The following EPHA10 variants were observed in gnomAD, a reference collection of about 807,000 sequenced individuals.
EPHA10 encodes the protein EPH receptor A10.
A neutral mutation model predicts 109.7 loss-of-function variants in EPHA10; 120 were observed. The observed-to-expected ratio is 1.09, with a 90% CI of 0.94 to 1.27. The LOEUF is 1.27. Ranked by LOEUF, EPHA10 falls within the 50% of genes most tolerant of loss-of-function variation. EPHA10 has a pLI of 0.00. For missense variants in EPHA10, 1,396 were observed against 1,411.1 expected (o/e 0.99, Z 0.17); for synonymous variants, 640 against 618.9 (o/e 1.03, Z -0.51).
chr1:37,721,186 G>A (rs562799123), intron 11 of EPHA10, among the ~76,000 whole-genome samples: 15 of 151,462 alleles, frequency 9.9e-5, no homozygotes, highest in African/African-American at 2.7e-4. Flanking sequence ...TTGGGAGGCC[G>A]AGGCAGGTGG....
chr1:37,760,203 T>G, intron 3 of EPHA10: 57 of 892,942 alleles, frequency 6.4e-5, no homozygotes, highest in Non-Finnish European at 7.6e-5. Context: ...ATCTAGACTG[T>G]GAGCTTCTTG....
chr1:37,733,252 C>T (rs1434068663), intron 6 of EPHA10, among the ~76,000 whole-genome samples: 1 of 151,760 alleles, frequency 6.6e-6, no homozygotes, highest in Non-Finnish European at 1.5e-5. Context: ...GACAGGGTCT[C>T]GCTCTGTTGC....
chr1:37,762,705 G>T, intron 2 of EPHA10, 80 bp downstream of exon 2: 1 of 1,313,090 alleles, frequency 7.6e-7, no homozygotes. Flanking sequence ...TTTGTCTGAT[G>T]TAAACATGAG....
rs779809100 is a variant in EPHA10, at chr1:37,721,662, C to T, written c.2144G>A (p.Arg715Gln). The T allele has an allele frequency of 8.0e-5, 128 of 1,602,364 alleles. No individual in the cohort carries two copies. The highest frequency in any genetic ancestry group is 1.6e-4 in the South Asian group (14 of 90,230). Residue 715 changes from arginine (R) to glutamine (Q), a missense_variant and splice_region_variant, in exon 11 of 17, where the codon CGA becomes CAA. Transcript: ENST00000373048. ...AGGAAGGGAGCACCGGGCCCTACCTCGGGTAACAACGCCCTCCAGCCGCAC... is the reference window on the plus strand; with the variant it reads ...AGGAAGGGAGCACCGGGCCCTACCTTGGGTAACAACGCCCTCCAGCCGCAC... ...HIVRLEGVVTRGSTLMIVTEY... is the reference protein window; with the variant it reads ...HIVRLEGVVTQGSTLMIVTEY...
rs755418681 is a variant in EPHA10 at position 37,720,388 on chromosome 1, C to T, written c.2375G>A (p.Gly792Asp). ...LVCKISGFGR[G>D]PRDRSEAVYT... ...GACAGCCTCTGATCGGTCCCGGGGG[C>T]CCCGCCCGAAGCCAGAGATCTTGCA... Residue 792 changes from glycine to aspartate, a missense_variant, in exon 13 of 17, where the codon GGC (glycine) becomes GAC (aspartate). Gly to Asp is a moderately conservative substitution (Grantham distance 94, BLOSUM62 -1). Coordinates refer to ENST00000373048, the MANE Select transcript of EPHA10 (RefSeq NM_001099439.2). 23 of 1,612,410 alleles carry T rather than the reference C, an allele frequency of 1.4e-5. No individual in the cohort carries two copies. The East Asian group carries it at 4.2e-4, about 30-fold the overall frequency.
Position 37,735,317 on chromosome 1 carries a change from G to C in EPHA10, c.1431C>G (p.Pro477=). 6.4e-7 allele frequency: 1 copy of C among 1,560,824 alleles called. No individual in the cohort carries two copies. The change falls in exon 6 of 17, where the codon CCC becomes CCG. Residue 477 remains proline, a synonymous_variant. Transcript: ENST00000373048. ...TGGCCCCAGGGGCTCCGGCAGGGAT[G>C]GGCTCCCGCCACGACAGGGACACGC... ...PQSVSLSWRE[P]IPAGAPGAND...
intron 3 of EPHA10, chr1:37,756,436 G>A (rs1032246014): frequency 1.3e-5 from 2 of 152,202 alleles, no homozygotes; most frequent in African/African-American, 4.8e-5. Context: ...GACCACAGTG[G>A]TATCTCTGCT....
rs1159268568 is a variant in EPHA10 at position 37,752,950 on chromosome 1, A to G, written c.1283T>C (p.Leu428Pro). ...GGCCGCCGGGCCCGAGACGCCGTTG[A>G]GCGCGGCCACGCGCACGGTGTAGCG... is the stretch of plus-strand genomic sequence containing the variant. The part of the protein sequence containing the change: ...GARYTVRVAA[L>P]NGVSGPAAAA... The change falls in exon 5 of 17, where the codon CTC (leucine) becomes CCC (proline). Residue 428 changes from leucine (L) to proline (P), a missense_variant. Coordinates refer to ENST00000373048, the MANE Select transcript of EPHA10 (RefSeq NM_001099439.2). The G allele has an allele frequency of 1.5e-6, 2 of 1,297,778 alleles. No homozygotes were observed. Among genetic ancestry groups the G allele is most frequent in the African/African-American group, 3.1e-5 (2 of 64,026 alleles). 80.4% of individuals were successfully genotyped at this position (1,297,778 alleles called of 1,614,324 possible). A position where few individuals can be genotyped will look rare whatever the true frequency, so the allele number is the denominator to read the frequency against.
chr1:37,729,745 C>T (rs1053186636), intron 7 of EPHA10, among the ~76,000 whole-genome samples: 7 of 151,850 alleles, frequency 4.6e-5, no homozygotes, highest in African/African-American at 1.2e-4. Flanking sequence ...TGGTGGCAAG[C>T]GCCTGTGGTC....
intron 5 of EPHA10, among the ~76,000 whole-genome samples, chr1:37,750,586 T>C (rs921131027): frequency 6.6e-6 from 1 of 152,102 alleles, no homozygotes; most frequent in African/African-American, 2.4e-5. Context: ...AAAACTTTTT[T>C]TTTTTTTTTA....
intron 7 of EPHA10, among the ~76,000 whole-genome samples, chr1:37,729,663 T>C (rs959526424): frequency 6.6e-6 from 1 of 152,104 alleles, no homozygotes; most frequent in Admixed American, 6.6e-5. Flanking sequence ...AGGGATCACC[T>C]GAGCCCAGGA....
chr1:37,738,163 T>C (rs1235127273), intron 5 of EPHA10: 1 of 151,832 alleles, frequency 6.6e-6, no homozygotes, highest in Non-Finnish European at 1.5e-5. Context: ...AGTCAAGAGA[T>C]TGAGACCAGC....
chr1:37,749,224 C>T (rs1427410652), intron 5 of EPHA10, among the ~76,000 whole-genome samples: 3 of 151,360 alleles, frequency 2.0e-5, no homozygotes, highest in Non-Finnish European at 2.9e-5. Flanking sequence ...TGCCCAGCCC[C>T]GTTTCAATGA....
chr1:37,731,267 C>G, intron 7 of EPHA10, 144 bp downstream of exon 7: 1 of 799,208 alleles, frequency 1.3e-6, no homozygotes, highest in South Asian at 3.2e-5. Flanking sequence ...ATTAATTAGG[C>G]TGTAATTAAT....
intron 6 of EPHA10, among the ~76,000 whole-genome samples, chr1:37,732,120 T>C (rs1449948748): frequency 6.6e-6 from 1 of 152,100 alleles, no homozygotes; most frequent in African/African-American, 2.4e-5. Flanking sequence ...TTCAGAGGGG[T>C]AAAGACTCCC....
chr1:37,762,834 G>C lies in EPHA10; in HGVS notation c.122C>G (p.Ser41Cys). The C allele has an allele frequency of 6.4e-7, 1 of 1,553,016 alleles. No individual in the cohort carries two copies. The highest frequency in any genetic ancestry group is 1.4e-5 in the African/African-American group (1 of 73,290). Residue 41 changes from serine (S) to cysteine (C), a missense_variant, in exon 2 of 17, where the codon TCC becomes TGC. Transcript: ENST00000373048. ...GTAEEVILLD[S>C]KASQAELGWT... ...GCCCAGCTCGGCCTGGGAGGCTTTG[G>C]AATCCAGGAGGATAACTAAGGAGAG...
chr1:37,718,331 G>T lies in EPHA10; in HGVS notation c.*41C>A. The T allele has an allele frequency of 6.6e-7, 1 of 1,509,770 alleles. No individual in the cohort carries two copies. Among genetic ancestry groups the T allele is most frequent in the Non-Finnish European group, 9.0e-7 (1 of 1,106,186 alleles). The allele number at this position is 1,509,770 out of a possible 1,614,324, so 93.5% of individuals were successfully genotyped here. Reference sequence around the variant, plus strand: ...GGTCCTTGGGCAGGGCTGGGGGACTGGACCCCCACCGGAGTCCTGCCTTGG... The same window carrying T: ...GGTCCTTGGGCAGGGCTGGGGGACTTGACCCCCACCGGAGTCCTGCCTTGG... On this transcript the variant is annotated 3_prime_UTR_variant, in exon 17 of 17. Coordinates refer to ENST00000373048, the MANE Select transcript of EPHA10 (RefSeq NM_001099439.2).
In EPHA10 at chr1:37,720,554, G is replaced by A. The variant is rs202036880; in HGVS notation, c.2209C>T (p.Arg737Trp). ...CCAGCCACCAGCTGCCCCTCGTGCC[G>A]CTGTGGAGGGAGAAGACTGAGGCCA... ...SHGALDGFLR[R>W]HEGQLVAGQL... The change falls in exon 13 of 17, where the codon CGG becomes TGG. Residue 737 changes from arginine (R) to tryptophan (W), a missense_variant and splice_region_variant. Arg to Trp is a moderately radical substitution (Grantham distance 101). Coordinates refer to ENST00000373048, the MANE Select transcript of EPHA10 (RefSeq NM_001099439.2). 110 of 1,607,696 alleles carry A rather than the reference G, an allele frequency of 6.8e-5. No homozygotes were observed. Among genetic ancestry groups the A allele is most frequent in the African/African-American group, 2.9e-4 (22 of 74,792 alleles).
At chr1:37,719,856 G>C (rs539347421) in intron 14 of EPHA10, 53 bp downstream of exon 14, 2 of 1,613,284 alleles carry the variant, frequency 1.2e-6, no homozygotes, top group African/African-American at 2.7e-5. Context: ...AGGAAGCTGG[G>C]GCCTGAGCTG....
Sources: gnomAD v4.1 joint callset for allele counts (sites outside exome capture counted in the v4.1 genomes callset) on GRCh38, gnomAD v4.1.1 for gene constraint, MANE v1.5 for transcripts, NCBI Gene and HGNC (gene_info 2026-07-23, HGNC 2026-07-21) for gene names.